ATAD2B: variants seen among roughly 807,000 people sequenced by gnomAD.
The protein encoded by ATAD2B is ATPase family AAA domain-containing protein 2B.
In ATAD2B, 40 loss-of-function variants were observed where a neutral mutation model predicts 167.6. The ratio of observed to expected loss-of-function variants is 0.24; its 90% CI spans 0.19 to 0.31. The LOEUF (loss-of-function observed/expected upper bound fraction) is 0.31. ATAD2B is among the 10% of genes least tolerant of loss of function. ATAD2B has a pLI of 1.00. For synonymous variants in ATAD2B, 579 were observed against 596.5 expected, an observed-to-expected ratio of 0.97 and a Z score of 0.43; for missense variants, 1,242 against 1,757.2, an observed-to-expected ratio of 0.71 and a Z score of 5.24.
the ATAD2B span, among the ~76,000 whole-genome samples, chr2:23,694,104 T>G: frequency 6.6e-6 from 1 of 152,252 alleles, no homozygotes; most frequent in African/African-American, 2.4e-5. Flanking sequence ...CTCCCAGATC[T>G]GTGTCTCAGG....
chr2:23,863,301 A>C (rs1694695602), intron 12 of ATAD2B, 80 bp downstream of exon 12: 1 of 1,363,864 alleles, frequency 7.3e-7, no homozygotes, highest in Admixed American at 2.6e-5. Context: ...TAACAGAGAG[A>C]GGCCCTGTCT....
chr2:23,801,459 G>T (rs889739636), intron 18 of ATAD2B, among the ~76,000 whole-genome samples: 2 of 151,714 alleles, frequency 1.3e-5, no homozygotes, highest in Admixed American at 6.6e-5. Flanking sequence ...GGGTGTCTTG[G>T]ATTGGTGGAT....
At position 23,867,906 on chromosome 2, in the gene ATAD2B, C is replaced by T. The variant is rs1354714782; in HGVS notation, c.1117G>A (p.Gly373Ser). Residue 373 changes from glycine (G) to serine (S), a missense_variant, in exon 10 of 28, where the codon GGT (glycine) becomes AGT (serine). Physicochemically the swap from Gly to Ser is moderately conservative, Grantham distance 56. This residue lies in a region of ATAD2B where 127 missense variants were observed against 146.3 expected (regional missense o/e 0.87). Transcript: ENST00000238789. ...ACTTTCACTCGTTCTCGGAGAATAC[C>T]GCTAGCTAAGTCCTCTGCTCTGAAG... ...MNFRAEDLAS[G>S]ILRERVKVGA... The T allele has an allele frequency of 8.1e-6, 13 of 1,613,620 alleles. No individual in the cohort carries two copies. Among genetic ancestry groups the T allele is most frequent in the Non-Finnish European group, 1.0e-5 (12 of 1,179,772 alleles).
the ATAD2B span, among the ~76,000 whole-genome samples, chr2:23,718,350 T>G: frequency 6.6e-6 from 1 of 152,128 alleles, no homozygotes; most frequent in Admixed American, 6.5e-5. Flanking sequence ...GTGGCCATGA[T>G]AGCAGAAGTA....
chr2:23,889,785 G>C (rs1699211171), intron 2 of ATAD2B, among the ~76,000 whole-genome samples: 1 of 151,920 alleles, frequency 6.6e-6, no homozygotes, highest in African/African-American at 2.4e-5. Context: ...TGGGCGTGGT[G>C]GCGGGCACCT....
the ATAD2B span, among the ~76,000 whole-genome samples, chr2:23,715,370 G>A: frequency 2.6e-5 from 4 of 152,062 alleles, no homozygotes; most frequent in South Asian, 2.1e-4. Context: ...TCAGGAGATC[G>A]AGACCATCCT....
At chr2:23,790,853 A>G (rs182516758) in intron 19 of ATAD2B, among the ~76,000 whole-genome samples, 3 of 152,336 alleles carry the variant, frequency 2.0e-5, no homozygotes, top group Admixed American at 2.0e-4. Flanking sequence ...CTGAAAAAAC[A>G]GTTCAATAAT....
chr2:23,753,235 A>G (rs1207786294), intron 27 of ATAD2B, among the ~76,000 whole-genome samples: 1 of 152,192 alleles, frequency 6.6e-6, no homozygotes, highest in Non-Finnish European at 1.5e-5. Context: ...GTTTTATCAT[A>G]TATTGCCAAA....
In ATAD2B at chr2:23,922,701, C is replaced by CAAAAAAAAAAAAAAAAAAAAAA. The variant is rs11386515; in HGVS notation, c.216+3853_216+3854insTTTTTTTTTTTTTTTTTTTTTT. Reference sequence around the variant, plus strand: ...TGGGCATCAGAGTAAGACTCTGTCTCAAAAAAAAAAAAAAAGGGTCCTAAC... The same window carrying CAAAAAAAAAAAAAAAAAAAAAA: ...TGGGCATCAGAGTAAGACTCTGTCTCAAAAAAAAAAAAAAAAAAAAAAAAAAAAAAAAAAAAAGGGTCCTAAC... On this transcript the variant is annotated intron_variant, in intron 1 of 27. Transcript: ENST00000238789. 8.7e-5 allele frequency among the ~76,000 whole-genome samples: 11 copies of CAAAAAAAAAAAAAAAAAAAAAA among 126,478 alleles called. 1 individual carries two copies. Among genetic ancestry groups the CAAAAAAAAAAAAAAAAAAAAAA allele is most frequent in the African/African-American group, 3.2e-4 (10 of 31,212 alleles). 83.0% of individuals were successfully genotyped at this position (126,478 alleles called of 152,430 possible).
chr2:23,757,900 C>A lies in ATAD2B; in HGVS notation c.3596G>T (p.Gly1199Val), dbSNP rs1462894775. 6.2e-7 allele frequency: 1 copy of A among 1,603,900 alleles called. No homozygotes were observed. The highest frequency in any genetic ancestry group is 8.5e-7 in the Non-Finnish European group (1 of 1,177,328). ...TTCATCATTGGTCATAGATAAGTCT[C>A]CAGTCTCTTCTCCATTTTCCTCATG... ...DCHEENGEET[G>V]DLSMTNDESS... The change falls in exon 25 of 28, where the codon GGA becomes GTA. Residue 1199 changes from glycine (G) to valine (V), a missense_variant. By Grantham distance (109) the Gly-to-Val change is moderately radical. Around this residue, in one of 9 missense-constraint regions of ATAD2B, gnomAD observed 282 missense variants for 346.8 expected, o/e 0.81. Transcript: ENST00000238789.
chr2:23,908,752 G>A (rs1424673407), intron 1 of ATAD2B, among the ~76,000 whole-genome samples: 2 of 151,948 alleles, frequency 1.3e-5, no homozygotes, highest in African/African-American at 4.8e-5. Flanking sequence ...GTCCAACAAT[G>A]ATAGACTGCA....
chr2:23,820,789 TA>T (rs1313834319), intron 16 of ATAD2B, among the ~76,000 whole-genome samples: 2 of 152,018 alleles, frequency 1.3e-5, no homozygotes, highest in Non-Finnish European at 2.9e-5. Flanking sequence ...CTACTAAAAA[TA>T]CAAAAAAATT....
Position 23,878,010 on chromosome 2 carries a change from C to CAAAAAAAAAAAA in ATAD2B, c.902-2107_902-2106insTTTTTTTTTTTT, listed in dbSNP as rs1283016862. 1.2e-3 allele frequency among the ~76,000 whole-genome samples: 35 copies of CAAAAAAAAAAAA among 28,602 alleles called. 12 individuals are homozygous for CAAAAAAAAAAAA. The highest frequency in any genetic ancestry group is 6.6e-3 in the East Asian group (5 of 758). The allele number at this position is 28,602 out of a possible 152,430, so 18.8% of individuals were successfully genotyped here. On this transcript the variant is annotated intron_variant, in intron 7 of 27. Coordinates refer to ENST00000238789, the MANE Select transcript of ATAD2B (RefSeq NM_017552.4). Reference sequence around the variant, plus strand: ...ACTCCAGCCTGGATGACCCTATCTCCAAAGAAAAAAAAAAAAAAAAAAAAA... The same window carrying CAAAAAAAAAAAA: ...ACTCCAGCCTGGATGACCCTATCTCCAAAAAAAAAAAAAAAGAAAAAAAAAAAAAAAAAAAAA...
At chr2:23,868,211 C>A (rs1314536116) in intron 9 of ATAD2B, among the ~76,000 whole-genome samples, 1 of 152,076 alleles carries the variant, frequency 6.6e-6, no homozygotes, top group African/African-American at 2.4e-5. Context: ...AGGAAAACAT[C>A]TTAACATACC....
chr2:23,859,214 T>C (rs1693947234), intron 12 of ATAD2B, among the ~76,000 whole-genome samples: 2 of 152,230 alleles, frequency 1.3e-5, no homozygotes, highest in Admixed American at 1.3e-4. Context: ...TCCATAAAAG[T>C]CATTTATATT....
chr2:23,835,135 GAA>G (rs1364404948), intron 13 of ATAD2B, among the ~76,000 whole-genome samples: 1 of 152,108 alleles, frequency 6.6e-6, no homozygotes, highest in Non-Finnish European at 1.5e-5. Context: ...TTCCTCTTTG[GAA>G]AAAGAGTATT....
At chr2:23,739,784 C>T in the ATAD2B span, among the ~76,000 whole-genome samples, 1 of 151,912 alleles carries the variant, frequency 6.6e-6, no homozygotes, top group African/African-American at 2.4e-5. Flanking sequence ...AAAAGATCAA[C>T]AAAATTGATA....
intron 15 of ATAD2B, among the ~76,000 whole-genome samples, chr2:23,826,751 T>C (rs1348988615): frequency 6.6e-6 from 1 of 152,186 alleles, no homozygotes; most frequent in African/African-American, 2.4e-5. Flanking sequence ...AAAATATGAT[T>C]AGAGTTGAGT....
intron 1 of ATAD2B, among the ~76,000 whole-genome samples, chr2:23,907,671 C>A (rs1012140309): frequency 6.6e-6 from 1 of 152,104 alleles, no homozygotes; most frequent in Non-Finnish European, 1.5e-5. Flanking sequence ...AAAAGAGCCC[C>A]CATTGCCAAG....
Sources: allele counts gnomAD v4.1 joint callset (sites outside exome capture counted in the v4.1 genomes callset), GRCh38; gene constraint gnomAD v4.1.1; regional missense constraint gnomAD v4.1.1; transcripts MANE v1.5; gene names NCBI Gene and HGNC (gene_info 2026-07-23, HGNC 2026-07-21).